TOMM70: variants seen among roughly 807,000 people sequenced by gnomAD.
The protein encoded by TOMM70 is translocase of outer mitochondrial membrane 70.
A neutral mutation model predicts 73.6 loss-of-function variants in TOMM70; 13 were observed. The ratio of observed to expected loss-of-function variants is 0.18; its 90% CI spans 0.11 to 0.28. TOMM70 has a LOEUF of 0.28. TOMM70 is among the 10% of genes least tolerant of loss of function. TOMM70 has a pLI of 1.00. For synonymous variants in TOMM70, 257 were observed against 271.2 expected (o/e 0.95, Z 0.51); for missense variants, 609 against 747.5 (o/e 0.81, Z 2.16).
chr3:100,382,274 T>G (rs1706641833), intron 4 of TOMM70, among the ~76,000 whole-genome samples: 1 of 152,234 alleles, frequency 6.6e-6, no homozygotes, highest in African/African-American at 2.4e-5. Context: ...TCTATAAAAT[T>G]CAGCCCAAAG....
chr3:100,395,072 G>A (rs571614040), intron 1 of TOMM70, among the ~76,000 whole-genome samples: 5 of 152,236 alleles, frequency 3.3e-5, no homozygotes, highest in African/African-American at 1.2e-4. Flanking sequence ...ATGCCCAAAT[G>A]AGGTTTAAGA....
intron 1 of TOMM70, among the ~76,000 whole-genome samples, chr3:100,399,328 G>C (rs1706862576): frequency 6.6e-6 from 1 of 151,840 alleles, no homozygotes; most frequent in Non-Finnish European, 1.5e-5. Flanking sequence ...GAAATGACTT[G>C]CATACATATT....
chr3:100,376,780 T>TC (rs1706570799), intron 6 of TOMM70, among the ~76,000 whole-genome samples: 1 of 152,170 alleles, frequency 6.6e-6, no homozygotes. Context: ...TACTTGCCAC[T>TC]AAAAGTCATG....
At chr3:100,366,817 G>A (rs950582411) in intron 11 of TOMM70, among the ~76,000 whole-genome samples, 1 of 152,226 alleles carries the variant, frequency 6.6e-6, no homozygotes. Context: ...GTTTTTGTGT[G>A]CATTATTCTA....
intron 1 of TOMM70, among the ~76,000 whole-genome samples, chr3:100,387,599 GACACACACACACAC>G (rs71752325): frequency 3.4e-5 from 4 of 118,188 alleles, no homozygotes; most frequent in East Asian, 2.3e-4. Context: ...CACAGACACA[GACACACACACACAC>G]ACACACACAC....
At chr3:100,387,815 T>C (rs1376202650) in intron 1 of TOMM70, among the ~76,000 whole-genome samples, 1 of 152,024 alleles carries the variant, frequency 6.6e-6, no homozygotes, top group Non-Finnish European at 1.5e-5. Context: ...TTTTAATTTT[T>C]AGTAGAGATG....
In TOMM70 at chr3:100,365,612, G is replaced by A; in HGVS notation, c.1779C>T (p.Ala593=). 6.2e-7 allele frequency: 1 copy of A among 1,614,188 alleles called. No homozygotes were observed. The highest frequency in any genetic ancestry group is 8.5e-7 in the Non-Finnish European group (1 of 1,180,026). ...HLYSLCDAAH[A]QTEVAKKYGL... The stretch of plus-strand genomic sequence containing the variant: ...CGTATTTCTTTGCAACTTCTGTCTG[G>A]GCATGGGCGGCATCGCAAAGTGAAT... Residue 593 remains alanine (A), a synonymous_variant, in exon 12 of 12, where the codon GCC becomes GCT. Coordinates refer to ENST00000284320, the MANE Select transcript of TOMM70 (RefSeq NM_014820.5).
At chr3:100,371,612 A>G (rs1706511191) in intron 9 of TOMM70, among the ~76,000 whole-genome samples, 1 of 152,104 alleles carries the variant, frequency 6.6e-6, no homozygotes, top group South Asian at 2.1e-4. Context: ...TGCTGTGGGG[A>G]AAAACCCAAC....
Position 100,386,817 on chromosome 3 carries a change from G to A in TOMM70, c.486C>T (p.Ala162=), listed in dbSNP as rs1331028252. 3.1e-6 allele frequency: 5 copies of A among 1,613,842 alleles called. No homozygotes were observed. In the African/African-American group the frequency reaches 6.7e-5, roughly 22 times the overall value. Residue 162 remains alanine, a synonymous_variant, in exon 2 of 12, where the codon GCC becomes GCT. Coordinates refer to ENST00000284320, the MANE Select transcript of TOMM70 (RefSeq NM_014820.5). ...LSTFYQNRAA[A]FEQLQKWKEV... is the part of the protein sequence containing the mutation. The stretch of plus-strand genomic sequence containing the variant: ...CTAGAGTACATACCAACTGTTCAAA[G>A]GCAGCAGCTCTGTTTTGATAAAATG...
rs1389475140 is a variant in TOMM70 at position 100,400,996 on chromosome 3, A to G, written c.-47T>C. The G allele has an allele frequency of 6.6e-7, 1 of 1,513,236 alleles. No homozygotes were observed. The highest frequency in any genetic ancestry group is 1.4e-5 in the African/African-American group (1 of 71,220). 93.7% of individuals were successfully genotyped at this position (1,513,236 alleles called of 1,614,324 possible). ...CCTCCCTGTCTGTCGCGAGCGCCAC[A>G]ATCACCAAACAGCGTGCGAAGGAAG... On this transcript the variant is annotated 5_prime_UTR_variant, in exon 1 of 12. Transcript: ENST00000284320.
intron 1 of TOMM70, among the ~76,000 whole-genome samples, chr3:100,399,734 A>ATTT (rs34524680): frequency 4.8e-5 from 6 of 126,054 alleles, no homozygotes; most frequent in Non-Finnish European, 6.8e-5. Flanking sequence ...AGTCACTCCC[A>ATTT]TTTTTTTTTT....
chr3:100,373,681 T>G, intron 7 of TOMM70, 36 bp from the exon 8 acceptor site: 1 of 1,405,988 alleles, frequency 7.1e-7, no homozygotes, highest in Non-Finnish European at 9.6e-7. Flanking sequence ...GTAATTCAAC[T>G]AGTCCAGTTA....
intron 5 of TOMM70, among the ~76,000 whole-genome samples, chr3:100,380,144 G>A (rs1262961042): frequency 6.6e-6 from 1 of 151,976 alleles, no homozygotes; most frequent in Non-Finnish European, 1.5e-5. Flanking sequence ...TCGGGAGTTC[G>A]AGACCAGCCT....
chr3:100,395,576 T>G (rs1706817931), intron 1 of TOMM70, among the ~76,000 whole-genome samples: 1 of 149,022 alleles, frequency 6.7e-6, no homozygotes. Flanking sequence ...GGAAAAAAGA[T>G]TTCCACGGAA....
chr3:100,391,018 G>A (rs2148893961), intron 1 of TOMM70, among the ~76,000 whole-genome samples: 1 of 152,118 alleles, frequency 6.6e-6, no homozygotes, highest in Non-Finnish European at 1.5e-5. Context: ...GTGGGCGCCT[G>A]TAGTCCCAGC....
chr3:100,371,142 C>G (rs1197203020), intron 9 of TOMM70, among the ~76,000 whole-genome samples: 1 of 152,028 alleles, frequency 6.6e-6, no homozygotes, highest in Non-Finnish European at 1.5e-5. Context: ...CTCAATAAAC[C>G]CTTAAAATCC....
At position 100,379,444 on chromosome 3, in the gene TOMM70, C is replaced by G. The variant is rs1021428174; in HGVS notation, c.885-1532G>C. Among the ~76,000 whole-genome samples, 8 of 152,022 alleles carry G rather than the reference C, an allele frequency of 5.3e-5. No homozygotes were observed. The South Asian group carries it at 1.7e-3, about 32-fold the overall frequency. On this transcript the variant is annotated intron_variant, in intron 5 of 11. Coordinates refer to ENST00000284320, the MANE Select transcript of TOMM70 (RefSeq NM_014820.5). ...TTCAAGACCAGCCGGGGAAACATGG[C>G]AAGACCCTGTCTCCATAATTAAAAA...
chr3:100,378,052 C>T (rs1706585765), intron 5 of TOMM70, 140 bp from the exon 6 acceptor site: 4 of 639,550 alleles, frequency 6.3e-6, no homozygotes, highest in South Asian at 3.8e-5. Context: ...CGAGACCAGC[C>T]TGGCCAACAT....
At chr3:100,375,446 A>G (rs1008859087) in intron 6 of TOMM70, among the ~76,000 whole-genome samples, 2 of 152,090 alleles carry the variant, frequency 1.3e-5, no homozygotes, top group Non-Finnish European at 2.9e-5. Flanking sequence ...TTCTATTTCT[A>G]TGGATTTGTA....
Sources: allele counts gnomAD v4.1 joint callset (sites outside exome capture counted in the v4.1 genomes callset), GRCh38; gene constraint gnomAD v4.1.1; transcripts MANE v1.5; gene names NCBI Gene and HGNC (gene_info 2026-07-23, HGNC 2026-07-21).